The following CNTN4 variants were observed in gnomAD, a reference collection of about 807,000 sequenced individuals.
CNTN4 encodes contactin-4.
Under a neutral mutation model 122.5 loss-of-function variants are expected in CNTN4, and 77 were observed. That is an observed-to-expected ratio of 0.63 (90% CI 0.52 to 0.76). The LOEUF is 0.76. Ranked by LOEUF, CNTN4 falls within the 30% of genes least tolerant of loss-of-function variation. The pLI is 0.00. For synonymous variants in CNTN4, 512 were observed against 447.0 expected, an observed-to-expected ratio of 1.15 and a Z score of -1.83; for missense variants, 1,256 against 1,259.1, an observed-to-expected ratio of 1.00 and a Z score of 0.04.
chr3:2,481,965 T>C (rs2076018726), intron 3 of CNTN4, among the ~76,000 whole-genome samples: 1 of 152,190 alleles, frequency 6.6e-6, no homozygotes, highest in Non-Finnish European at 1.5e-5. Flanking sequence ...ACTCAGTCTC[T>C]GCATAGCAGT....
Position 2,223,617 on chromosome 3 carries a change from G to T in CNTN4, c.-144-115561G>T, listed in dbSNP as rs528974236. Among the ~76,000 whole-genome samples, 37 of 152,262 alleles carry T rather than the reference G, an allele frequency of 2.4e-4. No individual in the cohort carries two copies. The South Asian group carries it at 7.0e-3, about 29-fold the overall frequency. Reference sequence around the variant, plus strand: ...TATTCTTACAGAGGCCTGCTTATGAGAATGTCCCTTGGCTGGCATCTGGGA... The same window carrying T: ...TATTCTTACAGAGGCCTGCTTATGATAATGTCCCTTGGCTGGCATCTGGGA... On this transcript the variant is annotated intron_variant, in intron 2 of 24. Coordinates refer to ENST00000418658, the MANE Select transcript of CNTN4 (RefSeq NM_175607.3).
intron 2 of CNTN4, among the ~76,000 whole-genome samples, chr3:2,123,950 A>G (rs2033965342): frequency 6.6e-6 from 1 of 152,204 alleles, no homozygotes; most frequent in African/African-American, 2.4e-5. Context: ...ATTTTTAAAT[A>G]TATAATCAGA....
At chr3:2,730,998 ACT>A (rs941356298) in intron 4 of CNTN4, among the ~76,000 whole-genome samples, 1 of 151,200 alleles carries the variant, frequency 6.6e-6, no homozygotes, top group Non-Finnish European at 1.5e-5. Flanking sequence ...GTGCTTTATT[ACT>A]CTTTTTCTTA....
chr3:2,433,831 C>G (rs2048165755), intron 3 of CNTN4, among the ~76,000 whole-genome samples: 2 of 152,132 alleles, frequency 1.3e-5, no homozygotes, highest in South Asian at 4.1e-4. Context: ...TTTCATTCTA[C>G]TTGCGAGTGT....
intron 2 of CNTN4, among the ~76,000 whole-genome samples, chr3:2,292,989 T>C (rs2042187873): frequency 6.6e-6 from 1 of 152,218 alleles, no homozygotes; most frequent in South Asian, 2.1e-4. Flanking sequence ...TTCAAAGTGA[T>C]TGTCACATTT....
At chr3:2,441,502 C>A (rs1013146693) in intron 3 of CNTN4, among the ~76,000 whole-genome samples, 8 of 152,104 alleles carry the variant, frequency 5.3e-5, no homozygotes, top group African/African-American at 9.7e-5. Flanking sequence ...TAAAGTATAA[C>A]CTTTGGGGGC....
chr3:2,818,831 A>G (rs2092800248), intron 6 of CNTN4, among the ~76,000 whole-genome samples: 2 of 152,328 alleles, frequency 1.3e-5, no homozygotes, highest in South Asian at 4.1e-4. Flanking sequence ...ATTTCAAACT[A>G]CACCACAAGA....
rs544661577 is a variant in CNTN4, at chr3:2,627,773, G to A, written c.55+56215G>A. Reference sequence around the variant, plus strand: ...CTCCCAAAGTGCTGGGATTACAGGCGTGAGCCACCGTGCCTGGCCAACTGT... The same window carrying A: ...CTCCCAAAGTGCTGGGATTACAGGCATGAGCCACCGTGCCTGGCCAACTGT... On this transcript the variant is annotated intron_variant, in intron 4 of 24. Coordinates refer to ENST00000418658, the MANE Select transcript of CNTN4 (RefSeq NM_175607.3). Among the ~76,000 whole-genome samples the A allele has an allele frequency of 3.2e-4, 49 of 152,234 alleles. 1 individual carries two copies. The highest frequency in any genetic ancestry group is 2.1e-3 in the South Asian group (10 of 4,824).
chr3:2,444,700 A>G (rs1184634547), intron 3 of CNTN4, among the ~76,000 whole-genome samples: 1 of 152,144 alleles, frequency 6.6e-6, no homozygotes, highest in African/African-American at 2.4e-5. Context: ...AGAGTCTGCC[A>G]TTACCACTGC....
At chr3:2,696,373 T>C (rs2086035485) in intron 4 of CNTN4, among the ~76,000 whole-genome samples, 1 of 152,214 alleles carries the variant, frequency 6.6e-6, no homozygotes, top group Non-Finnish European at 1.5e-5. Context: ...GGGAAGTGTT[T>C]AAATCATGAG....
intron 3 of CNTN4, among the ~76,000 whole-genome samples, chr3:2,377,951 G>A (rs1293265362): frequency 1.3e-5 from 2 of 152,064 alleles, no homozygotes; most frequent in Non-Finnish European, 2.9e-5. Flanking sequence ...CCAAAAGAGT[G>A]GATTAAAAGA....
chr3:2,307,157 C>T (rs1034751992), intron 2 of CNTN4, among the ~76,000 whole-genome samples: 15 of 152,108 alleles, frequency 9.9e-5, no homozygotes, highest in South Asian at 2.1e-4. Context: ...ATAGCAAGGC[C>T]GGGCGCAGTG....
intron 3 of CNTN4, among the ~76,000 whole-genome samples, chr3:2,475,501 A>G (rs2075812005): frequency 1.3e-5 from 2 of 152,178 alleles, no homozygotes; most frequent in South Asian, 2.1e-4. Context: ...ACTGATTTTC[A>G]TTTGCTCTAA....
chr3:2,916,680 A>G (rs4289332), intron 12 of CNTN4, among the ~76,000 whole-genome samples: 803 of 71,488 alleles, frequency 0.011, 41 homozygotes, highest in East Asian at 0.029. Flanking sequence ...CAAAACCGCC[A>G]TCGTCATCAT....
intron 4 of CNTN4, among the ~76,000 whole-genome samples, chr3:2,633,094 G>A (rs2082514103): frequency 2.0e-5 from 3 of 151,600 alleles, no homozygotes; most frequent in African/African-American, 7.3e-5. Flanking sequence ...TTTATAAATA[G>A]TCTTCTCCAT....
intron 3 of CNTN4, among the ~76,000 whole-genome samples, chr3:2,447,686 TAA>T (rs1229775305): frequency 6.6e-6 from 1 of 152,116 alleles, no homozygotes; most frequent in Non-Finnish European, 1.5e-5. Context: ...ATGAATATAT[TAA>T]AAATGTATAT....
intron 2 of CNTN4, among the ~76,000 whole-genome samples, chr3:2,312,076 G>A (rs532531687): frequency 9.4e-4 from 143 of 152,022 alleles, no homozygotes; most frequent in African/African-American, 3.3e-3. Flanking sequence ...CACTTTGGGA[G>A]GTTAAGGCGG....
intron 13 of CNTN4, among the ~76,000 whole-genome samples, chr3:2,962,555 A>G (rs1450315592): frequency 6.6e-6 from 1 of 152,234 alleles, no homozygotes; most frequent in Non-Finnish European, 1.5e-5. Flanking sequence ...GGATTAGGAA[A>G]CAGGAAAGGC....
At chr3:2,588,803 A>AAG (rs2080328012) in intron 4 of CNTN4, among the ~76,000 whole-genome samples, 1 of 151,906 alleles carries the variant, frequency 6.6e-6, no homozygotes, top group South Asian at 2.1e-4. Flanking sequence ...AAAAAAAAAA[A>AAG]AAAAGTGGAT....
Sources: allele counts gnomAD v4.1 joint callset (sites outside exome capture counted in the v4.1 genomes callset), GRCh38; gene constraint gnomAD v4.1.1; transcripts MANE v1.5; gene names NCBI Gene and HGNC (gene_info 2026-07-23, HGNC 2026-07-21).